Variants in DNAH14 observed in about 807,000 individuals in gnomAD.
DNAH14 encodes dynein axonemal heavy chain 14.
In DNAH14, 478 loss-of-function variants were observed where a neutral mutation model predicts 520.9. The observed-to-expected ratio is 0.92, with a 90% confidence interval of 0.85 to 0.99. DNAH14 has a LOEUF of 0.99. Ranked by LOEUF, DNAH14 falls within the 50% of genes least tolerant of loss-of-function variation. The pLI is 0.00. For missense variants in DNAH14, 4,831 were observed against 5,234.5 expected (o/e 0.92, Z 2.38); for synonymous variants, 1,581 against 1,757.2 (o/e 0.90, Z 2.51).
rs774442865 is a variant in DNAH14, at chr1:225,119,230, G to A, written c.4102G>A (p.Val1368Ile). The A allele has an allele frequency of 5.9e-6, 9 of 1,518,380 alleles. No homozygotes were observed. The South Asian group carries it at 8.0e-5, about 13-fold the overall frequency. 94.1% of individuals were successfully genotyped at this position (1,518,380 alleles called of 1,614,324 possible). ...TGAAACTAATTTTAGGAAAATTCGT[G>A]TAAGAAGTGCTGTAGAACAGTGGCT... is the stretch of plus-strand genomic sequence containing the variant. ...EGLVLPKKIR[V>I]RSAVEQWLVN... is the part of the protein sequence containing the mutation. The change falls in exon 26 of 86, where the codon GTA becomes ATA. Residue 1368 changes from valine (V) to isoleucine (I), a missense_variant. Transcript: ENST00000682510.
rs561385466 is a variant in DNAH14, at chr1:225,091,671, A to G, written c.3574-5447A>G. ...ATTGACACTATAAAGCAACTACACA[A>G]TCAAGTCTGAATAATACCCGGCCAA... On this transcript the variant is annotated intron_variant, in intron 21 of 85. Coordinates refer to ENST00000682510, the MANE Select transcript of DNAH14 (RefSeq NM_001367479.1). Among the ~76,000 whole-genome samples, 3 of 152,240 alleles carry G rather than the reference A, an allele frequency of 2.0e-5. No individual in the cohort carries two copies. In the East Asian group the frequency reaches 5.8e-4, roughly 29 times the overall value.
At chr1:225,248,946 G>A (rs1022742120) in intron 43 of DNAH14, among the ~76,000 whole-genome samples, 6 of 152,198 alleles carry the variant, frequency 3.9e-5, no homozygotes, top group Non-Finnish European at 8.8e-5. Flanking sequence ...CTCCATTGCA[G>A]TTTGTTCATG....
chr1:225,152,023 A>G lies in DNAH14; in HGVS notation c.4959A>G (p.Lys1653=). Residue 1653 remains lysine (K), a synonymous_variant, in exon 32 of 86, where the codon AAA becomes AAG. Transcript: ENST00000682510. Reference sequence around the variant, plus strand: ...CTTTTAGGTTTGTACTGGAAGGAAAAGAAATTCGTATCAATATGTCTTGTG... The same window carrying G: ...CTTTTAGGTTTGTACTGGAAGGAAAGGAAATTCGTATCAATATGTCTTGTG... ...NYSARFVLEG[K]EIRINMSCAV... is the part of the protein sequence containing the mutation. The G allele has an allele frequency of 1.3e-6, 2 of 1,551,690 alleles. No homozygotes were observed. The highest frequency in any genetic ancestry group is 2.4e-5 in the South Asian group (2 of 84,048).
At chr1:225,184,508 T>A (rs1430388367) in intron 36 of DNAH14, among the ~76,000 whole-genome samples, 1 of 152,036 alleles carries the variant, frequency 6.6e-6, no homozygotes, top group Non-Finnish European at 1.5e-5. Flanking sequence ...TAGTCCCACA[T>A]ACTCAGGAGG....
At chr1:224,937,242 T>C (rs2449323) in intron 1 of DNAH14, among the ~76,000 whole-genome samples, 14,569 of 151,946 alleles carry the variant, frequency 0.096, 2,260 homozygotes, top group African/African-American at 0.33. Context: ...GTCATCCCAA[T>C]TGGAAAGGAA....
chr1:225,346,045 G>A lies in DNAH14; in HGVS notation c.10762G>A (p.Ala3588Thr), dbSNP rs1050544711. 6.4e-7 allele frequency: 1 copy of A among 1,551,372 alleles called. No individual in the cohort carries two copies. Among genetic ancestry groups the A allele is most frequent in the African/African-American group, 1.4e-5 (1 of 72,994 alleles). Residue 3588 changes from alanine to threonine, a missense_variant, in exon 70 of 86, where the codon GCA (alanine) becomes ACA (threonine). Physicochemically the swap from Ala to Thr is moderately conservative, Grantham distance 58. Coordinates refer to ENST00000682510, the MANE Select transcript of DNAH14 (RefSeq NM_001367479.1). The part of the protein sequence containing the change: ...TSNEISKRIE[A>T]TKKAESEIQA... The stretch of plus-strand genomic sequence containing the variant: ...AAACGAAATTTCAAAGCGCATCGAA[G>A]CAACAAAAAAAGCTGAAAGTGAAAT...
At chr1:225,118,534 T>C (rs2077040497) in intron 25 of DNAH14, among the ~76,000 whole-genome samples, 1 of 152,156 alleles carries the variant, frequency 6.6e-6, no homozygotes, top group African/African-American at 2.4e-5. Flanking sequence ...AAAAATGCTG[T>C]GCCCAACCCT....
chr1:225,181,489 T>A (rs975371358), intron 36 of DNAH14, among the ~76,000 whole-genome samples: 1 of 152,166 alleles, frequency 6.6e-6, no homozygotes, highest in African/African-American at 2.4e-5. Flanking sequence ...CACCAGCATA[T>A]GTTTTTGTTT....
intron 33 of DNAH14, among the ~76,000 whole-genome samples, chr1:225,153,517 C>T (rs1386662414): frequency 4.0e-5 from 6 of 151,750 alleles, no homozygotes; most frequent in African/African-American, 1.5e-4. Context: ...ATTCAGATAC[C>T]GATATTTCTT....
At chr1:225,133,401 G>A (rs1296682162) in intron 27 of DNAH14, among the ~76,000 whole-genome samples, 5 of 151,968 alleles carry the variant, frequency 3.3e-5, no homozygotes, top group South Asian at 2.1e-4. Flanking sequence ...GTTAATTTTC[G>A]TATATGGTGT....
chr1:225,379,842 T>C (rs1039700812), intron 79 of DNAH14, among the ~76,000 whole-genome samples: 3 of 152,186 alleles, frequency 2.0e-5, no homozygotes, highest in Non-Finnish European at 1.5e-5. Flanking sequence ...ATTTTTTTAA[T>C]TGACATAATA....
chr1:225,318,684 C>T lies in DNAH14; in HGVS notation c.9335+7C>T. The T allele has an allele frequency of 6.5e-7, 1 of 1,538,290 alleles. No homozygotes were observed. Among genetic ancestry groups the T allele is most frequent in the African/African-American group, 1.4e-5 (1 of 72,502 alleles). ...CTGATGTCGCTGAATTAAGGTAACTCTCCTAAGTTTCGTTTGAGTTGGAAA... is the reference window on the plus strand; with the variant it reads ...CTGATGTCGCTGAATTAAGGTAACTTTCCTAAGTTTCGTTTGAGTTGGAAA... On this transcript the variant is annotated splice_region_variant and intron_variant, in intron 61 of 85. Coordinates refer to ENST00000682510, the MANE Select transcript of DNAH14 (RefSeq NM_001367479.1).
chr1:225,185,496 T>C, intron 37 of DNAH14, 71 bp downstream of exon 37: 1 of 1,385,878 alleles, frequency 7.2e-7, no homozygotes, highest in Non-Finnish European at 9.5e-7. Context: ...TATTTTATGT[T>C]CTCTTTATAT....
At chr1:225,129,022 AACAG>A (rs1367187295) in intron 27 of DNAH14, among the ~76,000 whole-genome samples, 1 of 152,102 alleles carries the variant, frequency 6.6e-6, no homozygotes, top group Non-Finnish European at 1.5e-5. Flanking sequence ...ATACACCAAT[AACAG>A]ACAAACAGAG....
rs1293347218 is a variant in DNAH14 at position 224,967,779 on chromosome 1, T to C, written c.651+196T>C. On this transcript the variant is annotated intron_variant, in intron 6 of 85. Transcript: ENST00000682510. ...TTCCTTTTGTGTAGAGATTTAGGTTTGAAGATTCAACTTTAATAAATTTTT... is the reference window on the plus strand; with the variant it reads ...TTCCTTTTGTGTAGAGATTTAGGTTCGAAGATTCAACTTTAATAAATTTTT... The C allele has an allele frequency of 7.5e-6, 11 of 1,458,354 alleles. No individual in the cohort carries two copies. The Admixed American group carries it at 8.0e-5, about 11-fold the overall frequency. 90.3% of individuals were successfully genotyped at this position (1,458,354 alleles called of 1,614,324 possible). A position where few individuals can be genotyped will look rare whatever the true frequency, so the allele number is the denominator to read the frequency against.
chr1:225,259,139 A>G lies in DNAH14; in HGVS notation c.7043A>G (p.Lys2348Arg), dbSNP rs1368767622. ...VLLTGESGVG[K>R]TAAINQMLEK... ...CCCTTAGGAGAATCTGGTGTTGGGA[A>G]AACTGCTGCCATTAATCAAATGCTT... The change falls in exon 46 of 86, where the codon AAA (lysine) becomes AGA (arginine). Residue 2348 changes from lysine (K) to arginine (R), a missense_variant. By Grantham distance (26) the Lys-to-Arg change is conservative. Coordinates refer to ENST00000682510, the MANE Select transcript of DNAH14 (RefSeq NM_001367479.1). 4 of 1,542,378 alleles carry G rather than the reference A, an allele frequency of 2.6e-6. No homozygotes were observed. The highest frequency in any genetic ancestry group is 3.5e-6 in the Non-Finnish European group (4 of 1,144,580).
At chr1:225,273,412 C>A (rs1460277919) in intron 52 of DNAH14, among the ~76,000 whole-genome samples, 1 of 152,218 alleles carries the variant, frequency 6.6e-6, no homozygotes, top group Admixed American at 6.5e-5. Context: ...GCAGTCCAGC[C>A]TGGGCGACAG....
intron 1 of DNAH14, among the ~76,000 whole-genome samples, chr1:224,933,507 G>C (rs1331214144): frequency 1.3e-5 from 2 of 152,038 alleles, no homozygotes; most frequent in Admixed American, 6.6e-5. Flanking sequence ...TCTTGTTTCA[G>C]TTGTTACAGG....
At chr1:225,078,826 CTCTCTCTCTCTCTCTCCCTCTCTCT>C (rs2072672855) in intron 17 of DNAH14, among the ~76,000 whole-genome samples, 3 of 84,564 alleles carry the variant, frequency 3.5e-5, no homozygotes, top group East Asian at 3.2e-4. Flanking sequence ...CTCTCTCTCC[CTCTCTCTCTCTCTCTCCCTCTCTCT>C]CTCTCTCCCT....
Sources: allele counts gnomAD v4.1 joint callset (sites outside exome capture counted in the v4.1 genomes callset), GRCh38; gene constraint gnomAD v4.1.1; transcripts MANE v1.5; gene names NCBI Gene and HGNC (gene_info 2026-07-23, HGNC 2026-07-21).